The following PCNT variants were observed in gnomAD, a reference collection of about 807,000 sequenced individuals.
PCNT encodes pericentrin, also known as kendrin.
A neutral mutation model predicts 380.4 loss-of-function variants in PCNT; 319 were observed. That is an observed-to-expected ratio of 0.84 (90% CI 0.77 to 0.92). The LOEUF (loss-of-function observed/expected upper bound fraction) is 0.92, where lower values mean the gene tolerates loss of function less well. PCNT is among the 40% of genes least tolerant of loss of function. The pLI, the probability that PCNT is intolerant of heterozygous loss-of-function variation, is 0.00. For missense variants in PCNT, 4,400 were observed against 4,255.3 expected, an observed-to-expected ratio of 1.03 and a Z score of -0.95; for synonymous variants, 1,845 against 1,735.2, an observed-to-expected ratio of 1.06 and a Z score of -1.57.
rs759677834 is a variant in PCNT, at chr21:46,416,675, C to G, written c.6757C>G (p.Leu2253Val). 6.4e-6 allele frequency: 10 copies of G among 1,563,548 alleles called. No homozygotes were observed. The highest frequency in any genetic ancestry group is 6.1e-6 in the Non-Finnish European group (7 of 1,155,680). The change falls in exon 30 of 47, where the codon CTG becomes GTG. Residue 2253 changes from leucine to valine, a missense_variant. Leu to Val is a conservative substitution (Grantham distance 32). Transcript: ENST00000359568. ...PVTPHSGALS[L>V]CSADTSLGDR... ...GACACCCCACTCAGGAGCCCTGAGC[C>G]TGTGCAGTGCCGACACATCCCTGGG...
chr21:46,426,814 C>T (rs1204548391), intron 33 of PCNT, among the ~76,000 whole-genome samples: 1 of 152,230 alleles, frequency 6.6e-6, no homozygotes, highest in African/African-American at 2.4e-5. Context: ...CACGCTCCCT[C>T]CCATCTCCGT....
chr21:46,372,583 T>G (rs922877931), intron 15 of PCNT, among the ~76,000 whole-genome samples: 3 of 152,162 alleles, frequency 2.0e-5, no homozygotes, highest in Non-Finnish European at 2.9e-5. Flanking sequence ...TATGTGCAAA[T>G]TTTAGGTGAT....
intron 15 of PCNT, among the ~76,000 whole-genome samples, chr21:46,381,354 G>A (rs960665037): frequency 1.1e-4 from 16 of 152,100 alleles, no homozygotes; most frequent in African/African-American, 3.9e-4. Flanking sequence ...GGGTTTTCAT[G>A]GCTGTAATTC....
intron 41 of PCNT, 125 bp downstream of exon 41, chr21:46,438,462 A>AC: frequency 1.2e-6 from 1 of 806,072 alleles, no homozygotes; most frequent in Non-Finnish European, 2.1e-6. Flanking sequence ...CTTCTCCCTA[A>AC]CCGCCAGGCT....
intron 1 of PCNT, among the ~76,000 whole-genome samples, chr21:46,325,530 TTC>T (rs2083358856): frequency 6.6e-6 from 1 of 152,200 alleles, no homozygotes; most frequent in Non-Finnish European, 1.5e-5. Flanking sequence ...AAGGAAATAT[TTC>T]CTTGAGAGAC....
chr21:46,364,612 A>T (rs1354771180), intron 14 of PCNT, among the ~76,000 whole-genome samples: 3 of 152,284 alleles, frequency 2.0e-5, no homozygotes, highest in East Asian at 3.9e-4. Flanking sequence ...GTTTTTCTGA[A>T]ACATACACAC....
chr21:46,325,767 C>G (rs888302923), intron 1 of PCNT, among the ~76,000 whole-genome samples: 1 of 152,134 alleles, frequency 6.6e-6, no homozygotes, highest in African/African-American at 2.4e-5. Context: ...CTCAAACTCT[C>G]GGATTTGAGG....
At chr21:46,372,822 GCCCTGAGACCTGCA>G in intron 15 of PCNT, among the ~76,000 whole-genome samples, 1 of 152,290 alleles carries the variant, frequency 6.6e-6, no homozygotes, top group Non-Finnish European at 1.5e-5. Flanking sequence ...CTGAGGCACA[GCCCTGAGACCTGCA>G]CCCTGCTGGG....
intron 2 of PCNT, among the ~76,000 whole-genome samples, chr21:46,330,122 T>C (rs1023251908): frequency 9.2e-5 from 14 of 152,116 alleles, no homozygotes; most frequent in African/African-American, 2.7e-4. Flanking sequence ...ATCAGCTTTT[T>C]CCCCCTTTTT....
chr21:46,429,963 C>T, intron 35 of PCNT, 47 bp from the exon 36 acceptor site: 1 of 1,494,896 alleles, frequency 6.7e-7, no homozygotes, highest in Non-Finnish European at 9.3e-7. Flanking sequence ...ACTTGTGCAG[C>T]ACGAGGAGCT....
chr21:46,356,499 C>T (rs2084483030), intron 12 of PCNT, among the ~76,000 whole-genome samples: 1 of 152,228 alleles, frequency 6.6e-6, no homozygotes. Flanking sequence ...AGAGATGGGC[C>T]AGTGGGGGTA....
chr21:46,438,114 T>G, intron 40 of PCNT, 50 bp from the exon 41 acceptor site: 1 of 1,428,324 alleles, frequency 7.0e-7, no homozygotes, highest in Non-Finnish European at 9.8e-7. Flanking sequence ...CAAGTAATGT[T>G]CATGCCCTTT....
At chr21:46,338,432 C>G (rs896386092) in intron 3 of PCNT, among the ~76,000 whole-genome samples, 2 of 152,162 alleles carry the variant, frequency 1.3e-5, no homozygotes, top group Non-Finnish European at 2.9e-5. Context: ...TTTTAAATCA[C>G]TTAGCAAAAT....
At chr21:46,338,944 G>A (rs2083837003) in intron 3 of PCNT, among the ~76,000 whole-genome samples, 1 of 152,110 alleles carries the variant, frequency 6.6e-6, no homozygotes, top group African/African-American at 2.4e-5. Flanking sequence ...CTATCACTTG[G>A]CTAATTTTTG....
chr21:46,367,116 C>T lies in PCNT; in HGVS notation c.3142C>T (p.His1048Tyr), dbSNP rs776622973. 1.2e-6 allele frequency: 2 copies of T among 1,613,162 alleles called. No homozygotes were observed. Among genetic ancestry groups the T allele is most frequent in the Non-Finnish European group, 1.7e-6 (2 of 1,179,998 alleles). ...VSTELAGTVA[H>Y]ELQGVHQGEF... ...CACAGAGCTCGCCGGAACCGTGGCT[C>T]ACGAGCTGCAGGGAGTGCACCAGGT... The change falls in exon 15 of 47, where the codon CAC becomes TAC. Residue 1048 changes from histidine (H) to tyrosine (Y), a missense_variant. Coordinates refer to ENST00000359568, the MANE Select transcript of PCNT (RefSeq NM_006031.6).
At chr21:46,328,984 C>G (rs1369210723) in intron 2 of PCNT, among the ~76,000 whole-genome samples, 1 of 151,802 alleles carries the variant, frequency 6.6e-6, no homozygotes, top group Non-Finnish European at 1.5e-5. Flanking sequence ...CCACATTGGC[C>G]AGGCTGGTCT....
intron 3 of PCNT, among the ~76,000 whole-genome samples, chr21:46,343,498 AT>A (rs1569173125): frequency 1.3e-5 from 2 of 151,988 alleles, no homozygotes; most frequent in African/African-American, 2.4e-5. Context: ...TATCTTTTTT[AT>A]GTGCTGTTGG....
intron 15 of PCNT, among the ~76,000 whole-genome samples, chr21:46,372,390 C>T (rs1027596995): frequency 2.6e-5 from 4 of 151,820 alleles, no homozygotes; most frequent in Non-Finnish European, 4.4e-5. Context: ...TGCTCATACA[C>T]GCAGCACATG....
chr21:46,347,348 A>ATGC, intron 5 of PCNT, 109 bp from the exon 6 acceptor site: 1 of 1,060,620 alleles, frequency 9.4e-7, no homozygotes, highest in Non-Finnish European at 1.5e-6. Flanking sequence ...TAGCCCGTGA[A>ATGC]TGCTGGCACG....
Sources: allele counts gnomAD v4.1 joint callset (sites outside exome capture counted in the v4.1 genomes callset), GRCh38; gene constraint gnomAD v4.1.1; transcripts MANE v1.5; gene names NCBI Gene and HGNC (gene_info 2026-07-23, HGNC 2026-07-21).